The following KCNMA1 variants were observed in gnomAD, a reference collection of about 807,000 sequenced individuals.
The protein encoded by KCNMA1 is Calcium-activated potassium channel subunit alpha-1.
In KCNMA1, 29 loss-of-function variants were observed where a neutral mutation model predicts 140.0. The ratio of observed to expected loss-of-function variants is 0.21; its 90% CI spans 0.15 to 0.28. The LOEUF (loss-of-function observed/expected upper bound fraction) is 0.28. Among genes scored for constraint, KCNMA1 ranks in the 10% least tolerant of loss-of-function variants. The pLI, the probability that KCNMA1 is intolerant of heterozygous loss-of-function variation, is 1.00. For synonymous variants in KCNMA1, 612 were observed against 611.9 expected (o/e 1.00, Z 0.00); for missense variants, 880 against 1,602.2 (o/e 0.55, Z 7.70).
intron 2 of KCNMA1, among the ~76,000 whole-genome samples, chr10:77,367,994 T>C (rs893684241): frequency 6.6e-6 from 1 of 152,250 alleles, no homozygotes; most frequent in African/African-American, 2.4e-5. Context: ...ATAGAGATGC[T>C]ACAAACATGT....
chr10:77,534,872 A>G (rs1198445209), intron 1 of KCNMA1, among the ~76,000 whole-genome samples: 2 of 152,176 alleles, frequency 1.3e-5, no homozygotes, highest in Non-Finnish European at 2.9e-5. Flanking sequence ...TACCATTTAC[A>G]GCTATAACCT....
intron 1 of KCNMA1, among the ~76,000 whole-genome samples, chr10:77,493,074 A>G (rs1424248408): frequency 6.6e-6 from 1 of 152,194 alleles, no homozygotes; most frequent in African/African-American, 2.4e-5. Context: ...GACTCTCTGG[A>G]AACTGATCAT....
intron 1 of KCNMA1, among the ~76,000 whole-genome samples, chr10:77,429,817 T>C (rs996831839): frequency 6.6e-6 from 1 of 152,142 alleles, no homozygotes; most frequent in Non-Finnish European, 1.5e-5. Flanking sequence ...TATGTATATA[T>C]ATGATATATC....
chr10:77,472,624 A>C (rs941176205), intron 1 of KCNMA1, among the ~76,000 whole-genome samples: 5 of 152,254 alleles, frequency 3.3e-5, no homozygotes, highest in Non-Finnish European at 7.3e-5. Context: ...TCCTACCATG[A>C]TAGCTCCTAT....
intron 12 of KCNMA1, among the ~76,000 whole-genome samples, chr10:77,081,148 T>C (rs2096555527): frequency 6.6e-6 from 1 of 152,108 alleles, no homozygotes; most frequent in Non-Finnish European, 1.5e-5. Flanking sequence ...CGCAGATGAA[T>C]GGAAACACGT....
intron 3 of KCNMA1, among the ~76,000 whole-genome samples, chr10:77,235,427 C>T (rs1236388479): frequency 6.6e-6 from 1 of 152,100 alleles, no homozygotes; most frequent in Non-Finnish European, 1.5e-5. Flanking sequence ...ACACAGAGGA[C>T]CATTCATCAG....
downstream of KCNMA1, chr10:76,875,876 T>C (rs1290438722): frequency 1.3e-5 from 2 of 152,668 alleles, no homozygotes; most frequent in African/African-American, 4.8e-5. Flanking sequence ...TGACATCATT[T>C]TAGTCTGCTG....
rs1002181049 is a variant in KCNMA1 at position 76,982,364 on chromosome 10, G to T, written c.2267-12297C>A. On this transcript the variant is annotated intron_variant, in intron 19 of 27. Transcript: ENST00000286628. ...AAAAAGAAAGGAAGAAAAAGAAGAC[G>T]ACTTGAAACAAGAATAGGATGAATA... is the stretch of plus-strand genomic sequence containing the variant. Among the ~76,000 whole-genome samples, 10 of 151,356 alleles carry T rather than the reference G, an allele frequency of 6.6e-5. No individual in the cohort carries two copies. In the East Asian group the frequency reaches 1.9e-3, roughly 29 times the overall value.
At chr10:77,608,597 A>G (rs1463208433) in intron 1 of KCNMA1, among the ~76,000 whole-genome samples, 2 of 152,112 alleles carry the variant, frequency 1.3e-5, no homozygotes, top group African/African-American at 4.8e-5. Flanking sequence ...GTGTGCATAT[A>G]CGTGTGTAAG....
At chr10:77,327,883 A>G (rs551019498) in intron 2 of KCNMA1, among the ~76,000 whole-genome samples, 6 of 152,248 alleles carry the variant, frequency 3.9e-5, no homozygotes, top group Non-Finnish European at 8.8e-5. Flanking sequence ...TTCCTCTACT[A>G]TAAAGTGGGG....
intron 2 of KCNMA1, among the ~76,000 whole-genome samples, chr10:77,302,391 T>G (rs1350182100): frequency 6.6e-6 from 1 of 152,132 alleles, no homozygotes; most frequent in Non-Finnish European, 1.5e-5. Context: ...CAGTTTTTCT[T>G]GGTCACTCTG....
intron 10 of KCNMA1, among the ~76,000 whole-genome samples, chr10:77,088,774 G>C (rs752502031): frequency 1.3e-5 from 2 of 152,186 alleles, no homozygotes; most frequent in Non-Finnish European, 2.9e-5. Context: ...AAAAGTGGCT[G>C]CCTCTGTGAA....
intron 2 of KCNMA1, among the ~76,000 whole-genome samples, chr10:77,269,348 A>C (rs1215303191): frequency 6.6e-6 from 1 of 152,214 alleles, no homozygotes; most frequent in Non-Finnish European, 1.5e-5. Flanking sequence ...GTGCATTTCC[A>C]AATATTCTGA....
chr10:77,604,229 G>A (rs2083609607), intron 1 of KCNMA1, among the ~76,000 whole-genome samples: 1 of 152,172 alleles, frequency 6.6e-6, no homozygotes. Context: ...AGCTTTGTCT[G>A]ACCCTAAGCC....
chr10:77,099,370 C>G (rs2097031665), intron 9 of KCNMA1, among the ~76,000 whole-genome samples: 1 of 152,182 alleles, frequency 6.6e-6, no homozygotes, highest in South Asian at 2.1e-4. Context: ...GTTGCCACAG[C>G]TAGCATAAGC....
At chr10:77,116,258 T>A (rs904041538) in intron 6 of KCNMA1, among the ~76,000 whole-genome samples, 8 of 152,138 alleles carry the variant, frequency 5.3e-5, no homozygotes, top group African/African-American at 1.9e-4. Context: ...CTAATTCACA[T>A]CGATGGACAC....
At chr10:77,633,270 G>A (rs541411445) in intron 1 of KCNMA1, among the ~76,000 whole-genome samples, 48 of 152,156 alleles carry the variant, frequency 3.2e-4, no homozygotes, top group South Asian at 8.3e-4. Context: ...AGCCAAGATC[G>A]TGCCGCTGCA....
At chr10:77,039,284 T>A (rs2094517077) in intron 15 of KCNMA1, 2 of 583,548 alleles carry the variant, frequency 3.4e-6, no homozygotes, top group Admixed American at 2.9e-5. Context: ...TAAGTTAGCA[T>A]AAATGATGAA....
intron 3 of KCNMA1, among the ~76,000 whole-genome samples, chr10:77,194,609 C>T (rs148683459): frequency 5.3e-4 from 81 of 152,172 alleles, no homozygotes; most frequent in African/African-American, 1.5e-3. Context: ...CTGACAGTTG[C>T]GGATAATGAG....
Sources: gnomAD v4.1 joint callset for allele counts (sites outside exome capture counted in the v4.1 genomes callset) on GRCh38, gnomAD v4.1.1 for gene constraint, MANE v1.5 for transcripts, NCBI Gene and HGNC (gene_info 2026-07-23, HGNC 2026-07-21) for gene names.